Variants in SRD5A2 observed in about 807,000 individuals in gnomAD.
SRD5A2 encodes 3-oxo-5-alpha-steroid 4-dehydrogenase 2.
Under a neutral mutation model 27.4 loss-of-function variants are expected in SRD5A2, and 30 were observed. The observed-to-expected ratio is 1.10, with a 90% confidence interval of 0.82 to 1.49. The LOEUF (loss-of-function observed/expected upper bound fraction) is 1.49, where lower values mean the gene tolerates loss of function less well. Ranked by LOEUF, SRD5A2 falls within the 40% of genes most tolerant of loss-of-function variation. The pLI, the probability that SRD5A2 is intolerant of heterozygous loss-of-function variation, is 0.00. For missense variants in SRD5A2, 348 were observed against 323.4 expected, an observed-to-expected ratio of 1.08 and a Z score of -0.58; for synonymous variants, 141 against 133.6, an observed-to-expected ratio of 1.06 and a Z score of -0.38.
the SRD5A2 span, among the ~76,000 whole-genome samples, chr2:31,592,492 A>G: frequency 6.6e-6 from 1 of 152,336 alleles, no homozygotes; most frequent in East Asian, 1.9e-4. Flanking sequence ...TGGCATTCAC[A>G]GCTGAGAGAC....
chr2:31,623,575 G>T, the SRD5A2 span, among the ~76,000 whole-genome samples: 1 of 151,948 alleles, frequency 6.6e-6, no homozygotes, highest in Non-Finnish European at 1.5e-5. Flanking sequence ...ATCCTTGTGG[G>T]TTTATCTACC....
At chr2:31,600,346 C>A in the SRD5A2 span, among the ~76,000 whole-genome samples, 1 of 151,938 alleles carries the variant, frequency 6.6e-6, no homozygotes, top group Non-Finnish European at 1.5e-5. Context: ...GGTAATACAC[C>A]TAGTAGTAAT....
At chr2:31,573,016 A>G (rs901597796) in intron 1 of SRD5A2, among the ~76,000 whole-genome samples, 3 of 152,208 alleles carry the variant, frequency 2.0e-5, no homozygotes, top group African/African-American at 7.2e-5. Context: ...AAGACTGAGT[A>G]TACAAAGTAT....
chr2:31,620,132 A>G, the SRD5A2 span, among the ~76,000 whole-genome samples: 1 of 152,054 alleles, frequency 6.6e-6, no homozygotes, highest in Non-Finnish European at 1.5e-5. Flanking sequence ...ATAAAATTCA[A>G]CATCCCTTCA....
At chr2:31,589,869 G>A in the SRD5A2 span, among the ~76,000 whole-genome samples, 1 of 152,136 alleles carries the variant, frequency 6.6e-6, no homozygotes, top group Non-Finnish European at 1.5e-5. Flanking sequence ...GTAGCCTGGG[G>A]AAAGATCTCA....
chr2:31,588,931 T>C, the SRD5A2 span, among the ~76,000 whole-genome samples: 3 of 152,114 alleles, frequency 2.0e-5, no homozygotes, highest in Non-Finnish European at 4.4e-5. Context: ...CACTGTGAGC[T>C]TTTGCTGCAA....
At chr2:31,548,515 C>G (rs895182078) in intron 1 of SRD5A2, among the ~76,000 whole-genome samples, 2 of 152,012 alleles carry the variant, frequency 1.3e-5, no homozygotes, top group African/African-American at 2.4e-5. Context: ...AAATTAAAAT[C>G]AAAACTACAA....
intron 1 of SRD5A2, among the ~76,000 whole-genome samples, chr2:31,570,137 C>G (rs1666822340): frequency 6.6e-6 from 1 of 152,108 alleles, no homozygotes; most frequent in South Asian, 2.1e-4. Flanking sequence ...TAACAAAACA[C>G]TGGCAAACTT....
the SRD5A2 span, chr2:31,651,421 G>T: frequency 4.8e-5 from 11 of 231,578 alleles, no homozygotes; most frequent in South Asian, 9.1e-4. Flanking sequence ...TGTCCAAATG[G>T]GGTAACAGTG....
intron 3 of SRD5A2, 25 bp from the exon 4 acceptor site, chr2:31,529,482 C>T: frequency 6.2e-7 from 1 of 1,606,676 alleles, no homozygotes; most frequent in Non-Finnish European, 8.5e-7. Flanking sequence ...ATCGGAAGGT[C>T]AATCATTGCA....
intron 2 of SRD5A2, among the ~76,000 whole-genome samples, chr2:31,532,307 G>A (rs142361849): frequency 1.3e-5 from 2 of 151,820 alleles, no homozygotes; most frequent in South Asian, 2.1e-4. Flanking sequence ...ATGAAATAAC[G>A]TGAGCTAGTT....
chr2:31,554,924 C>CGTGTGTGTGT lies in SRD5A2; in HGVS notation c.282-21168_282-21159dup, dbSNP rs59697517. Among the ~76,000 whole-genome samples, 148 of 132,194 alleles carry CGTGTGTGTGT rather than the reference C, an allele frequency of 1.1e-3. 3 individuals are homozygous for CGTGTGTGTGT. Among genetic ancestry groups the CGTGTGTGTGT allele is most frequent in the African/African-American group, 2.1e-3 (75 of 35,042 alleles). 86.7% of individuals were successfully genotyped at this position (132,194 alleles called of 152,430 possible). The stretch of plus-strand genomic sequence containing the variant: ...CTGGTAAGATGGCCTCTATCCTGAT[C>CGTGTGTGTGT]GTGTGTGTGTGTGTGTGTGTGTGTG... On this transcript the variant is annotated intron_variant, in intron 1 of 4. Transcript: ENST00000622030.
At chr2:31,655,534 G>T in the SRD5A2 span, among the ~76,000 whole-genome samples, 1 of 152,142 alleles carries the variant, frequency 6.6e-6, no homozygotes, top group African/African-American at 2.4e-5. Flanking sequence ...AGACAGCCTA[G>T]AAAGAATGAC....
At chr2:31,591,365 T>A in the SRD5A2 span, among the ~76,000 whole-genome samples, 5 of 152,040 alleles carry the variant, frequency 3.3e-5, no homozygotes, top group African/African-American at 1.2e-4. Context: ...ATCAGAGAAA[T>A]GCATATCAAA....
At chr2:31,552,502 T>G (rs1669688853) in intron 1 of SRD5A2, among the ~76,000 whole-genome samples, 1 of 152,068 alleles carries the variant, frequency 6.6e-6, no homozygotes, top group Non-Finnish European at 1.5e-5. Flanking sequence ...GGAAAGGGCG[T>G]AAACAGATTG....
In SRD5A2 at chr2:31,522,789, CCTT is replaced by C. The variant is rs1400314044; in HGVS notation, c.*3404_*3406del. ...TTCACTTTACATTTGCCGTTACCCT[CCTT>C]GTTTTCCCTGCATGGACCTCAGCTC... On this transcript the variant is annotated 3_prime_UTR_variant, in exon 5 of 5. Transcript: ENST00000622030. 2.2e-5 allele frequency: 5 copies of C among 222,314 alleles called. No individual in the cohort carries two copies. Among genetic ancestry groups the C allele is most frequent in the African/African-American group, 1.1e-4 (5 of 44,724 alleles). The allele number at this position is 222,314 out of a possible 1,614,324, so 13.8% of individuals were successfully genotyped here.
chr2:31,574,285 T>C (rs1368745046), intron 1 of SRD5A2, among the ~76,000 whole-genome samples: 1 of 152,204 alleles, frequency 6.6e-6, no homozygotes, highest in East Asian at 1.9e-4. Context: ...CCATGAGACC[T>C]AGCATAGTTC....
At chr2:31,648,825 T>C in the SRD5A2 span, among the ~76,000 whole-genome samples, 1 of 152,192 alleles carries the variant, frequency 6.6e-6, no homozygotes. Context: ...TAATTCACAG[T>C]TTGAAAATAT....
Position 31,536,227 on chromosome 2 carries a change from G to A in SRD5A2, c.282-2461C>T, listed in dbSNP as rs542219271. Reference sequence around the variant, plus strand: ...AAAAAGTTGTATTTTTGTAATACTTGCAGTAGAAGTATGTATTAATCAGGG... The same window carrying A: ...AAAAAGTTGTATTTTTGTAATACTTACAGTAGAAGTATGTATTAATCAGGG... On this transcript the variant is annotated intron_variant, in intron 1 of 4. Coordinates refer to ENST00000622030, the MANE Select transcript of SRD5A2 (RefSeq NM_000348.4). Among the ~76,000 whole-genome samples the A allele has an allele frequency of 1.3e-4, 20 of 152,326 alleles. No homozygotes were observed. In the South Asian group the frequency reaches 3.9e-3, roughly 30 times the overall value.
Sources: gnomAD v4.1 joint callset for allele counts (sites outside exome capture counted in the v4.1 genomes callset) on GRCh38, gnomAD v4.1.1 for gene constraint, MANE v1.5 for transcripts, NCBI Gene and HGNC (gene_info 2026-07-23, HGNC 2026-07-21) for gene names.